Variants in ARSK observed in about 807,000 individuals in gnomAD.
The protein encoded by ARSK is arylsulfatase family member K.
A neutral mutation model predicts 53.2 loss-of-function variants in ARSK; 37 were observed. The ratio of observed to expected loss-of-function variants is 0.70; its 90% CI spans 0.54 to 0.92. ARSK has a LOEUF of 0.92. Ranked by LOEUF, ARSK falls within the 40% of genes least tolerant of loss-of-function variation. The pLI, the probability that ARSK is intolerant of heterozygous loss-of-function variation, is 0.00. For synonymous variants in ARSK, 208 were observed against 223.2 expected, an observed-to-expected ratio of 0.93 and a Z score of 0.61; for missense variants, 613 against 643.0, an observed-to-expected ratio of 0.95 and a Z score of 0.51.
At position 95,555,533 on chromosome 5, in the gene ARSK, A is replaced by T; in HGVS notation, c.126+129A>T. The T allele has an allele frequency of 9.8e-7, 1 of 1,018,692 alleles. No homozygotes were observed. The highest frequency in any genetic ancestry group is 1.4e-6 in the Non-Finnish European group (1 of 738,326). The allele number at this position is 1,018,692 out of a possible 1,614,324, so 63.1% of individuals were successfully genotyped here. A position where few individuals can be genotyped will look rare whatever the true frequency, so the allele number is the denominator to read the frequency against. On this transcript the variant is annotated intron_variant, in intron 1 of 7. Transcript: ENST00000380009. This position sits in a 1 kb window ranked among gnomAD's most constrained non-coding sequence, Gnocchi z 4.0. ...AAACACCTTTTACCCCGATGCAAAG[A>T]AAGAAATACATTTTATGTGAGGCCC...
chr5:95,595,834 A>G (rs1045477917), intron 6 of ARSK, among the ~76,000 whole-genome samples: 1 of 151,804 alleles, frequency 6.6e-6, no homozygotes, highest in Non-Finnish European at 1.5e-5. Flanking sequence ...TAAAACGTTG[A>G]AAAAAAAAGT....
intron 6 of ARSK, among the ~76,000 whole-genome samples, chr5:95,599,882 T>C (rs1749369390): frequency 6.6e-6 from 1 of 152,234 alleles, no homozygotes; most frequent in African/African-American, 2.4e-5. Context: ...GTTTAATTTC[T>C]AACATTACAG....
intron 4 of ARSK, 25 bp from the exon 5 acceptor site, chr5:95,586,537 A>G: frequency 6.3e-7 from 1 of 1,586,524 alleles, no homozygotes; most frequent in Non-Finnish European, 8.6e-7. Context: ...TGCTAGCATA[A>G]CTAAGTTTTT....
intron 6 of ARSK, among the ~76,000 whole-genome samples, chr5:95,593,167 C>T (rs1330977743): frequency 1.3e-5 from 2 of 152,122 alleles, no homozygotes; most frequent in African/African-American, 4.8e-5. Context: ...CTACCCTCCC[C>T]ATTCCCAAAG....
chr5:95,595,456 G>A (rs1749291674), intron 6 of ARSK, among the ~76,000 whole-genome samples: 1 of 152,178 alleles, frequency 6.6e-6, no homozygotes, highest in Admixed American at 6.5e-5. Flanking sequence ...TAAAGAAAAT[G>A]TGGCACATAT....
chr5:95,555,335 C>T lies in ARSK; in HGVS notation c.57C>T (p.Pro19=), dbSNP rs748760776. Residue 19 remains proline, a synonymous_variant, in exon 1 of 8, where the codon CCC becomes CCT. Transcript: ENST00000380009. This position sits in a 1 kb window ranked among gnomAD's most constrained non-coding sequence, Gnocchi z 4.0. Reference sequence around the variant, plus strand: ...CCTTGGCGCTGGCGGTACTGGCCCCCGGAGCAGGGGAGCAGAGGCGGAGAG... The same window carrying T: ...CCTTGGCGCTGGCGGTACTGGCCCCTGGAGCAGGGGAGCAGAGGCGGAGAG... ...VAALALAVLA[P]GAGEQRRRAA... is the part of the protein sequence containing the mutation. The T allele has an allele frequency of 1.2e-6, 2 of 1,608,980 alleles. No homozygotes were observed. The highest frequency in any genetic ancestry group is 1.1e-5 in the South Asian group (1 of 90,602).
At chr5:95,581,280 G>T (rs1220372369) in intron 3 of ARSK, among the ~76,000 whole-genome samples, 1 of 152,000 alleles carries the variant, frequency 6.6e-6, no homozygotes, top group Non-Finnish European at 1.5e-5. Flanking sequence ...TAAGGAGAAG[G>T]CATAAATTTA....
intron 6 of ARSK, among the ~76,000 whole-genome samples, chr5:95,599,067 G>C (rs549590622): frequency 4.7e-4 from 72 of 152,260 alleles, no homozygotes; most frequent in African/African-American, 1.6e-3. Context: ...AGCTGTTTCT[G>C]TCTGCCCACA....
intron 1 of ARSK, among the ~76,000 whole-genome samples, chr5:95,558,878 C>T (rs1336935149): frequency 6.6e-6 from 1 of 152,214 alleles, no homozygotes; most frequent in Non-Finnish European, 1.5e-5. Flanking sequence ...CGGTGGCTCA[C>T]ACCTGTAATC....
At chr5:95,571,587 T>G (rs1748831830) in intron 3 of ARSK, among the ~76,000 whole-genome samples, 1 of 152,248 alleles carries the variant, frequency 6.6e-6, no homozygotes. Flanking sequence ...TAGGAGTTCT[T>G]TCTTTGTCAT....
At chr5:95,585,659 T>G (rs1749099873) in intron 4 of ARSK, among the ~76,000 whole-genome samples, 1 of 152,068 alleles carries the variant, frequency 6.6e-6, no homozygotes, top group African/African-American at 2.4e-5. Context: ...TGGGGACTGG[T>G]TGGGGGAAGG....
chr5:95,558,296 T>C (rs1748563362), intron 1 of ARSK, among the ~76,000 whole-genome samples: 1 of 152,042 alleles, frequency 6.6e-6, no homozygotes, highest in Non-Finnish European at 1.5e-5. Context: ...AGAGGTTCCA[T>C]ACCAGGAGAG....
At chr5:95,567,796 C>A in intron 2 of ARSK, 94 bp from the exon 3 acceptor site, 1 of 1,272,768 alleles carries the variant, frequency 7.9e-7, no homozygotes, top group Non-Finnish European at 1.1e-6. Flanking sequence ...AGCATAAGCT[C>A]TTCACTAGTG....
Position 95,604,646 on chromosome 5 carries a change from T to C in ARSK, c.*1120T>C, listed in dbSNP as rs1462999149. 1 of 152,170 alleles carries C rather than the reference T, an allele frequency of 6.6e-6. No individual in the cohort carries two copies. The highest frequency in any genetic ancestry group is 1.5e-5 in the Non-Finnish European group (1 of 68,026). The allele number at this position is 152,170 out of a possible 1,614,324, so 9.4% of individuals were successfully genotyped here. Reference sequence around the variant, plus strand: ...CTACAAATTACCTCTAAAGAAGGTATACTAACTGATAATCTCACCATCAAT... The same window carrying C: ...CTACAAATTACCTCTAAAGAAGGTACACTAACTGATAATCTCACCATCAAT... On this transcript the variant is annotated 3_prime_UTR_variant, in exon 8 of 8. Transcript: ENST00000380009.
At chr5:95,601,662 A>C (rs57520226) in intron 7 of ARSK, among the ~76,000 whole-genome samples, 1 of 152,322 alleles carries the variant, frequency 6.6e-6, no homozygotes, top group East Asian at 1.9e-4. Flanking sequence ...TTTTAGATTC[A>C]GGGTTTTACT....
chr5:95,586,457 C>A, intron 4 of ARSK, 105 bp from the exon 5 acceptor site: 3 of 867,618 alleles, frequency 3.5e-6, no homozygotes, highest in South Asian at 1.6e-5. Context: ...TTCTTTTCTA[C>A]TATTCTAAGT....
In ARSK at chr5:95,567,913, C is replaced by A; in HGVS notation, c.280C>A (p.His94Asn). The change falls in exon 3 of 8, where the codon CAC becomes AAC. Residue 94 changes from histidine to asparagine, a missense_variant. By Grantham distance (68) the His-to-Asn change is moderately conservative. Transcript: ENST00000380009. Reference protein sequence around the residue: ...RAAMWSGLFTHLTESWNNFKG... With the variant: ...RAAMWSGLFTNLTESWNNFKG... ...AGCAATGTGGAGTGGCCTCTTCACT[C>A]ACTTAACAGAATCTTGGAATAATTT... The A allele has an allele frequency of 6.2e-7, 1 of 1,610,420 alleles. No individual in the cohort carries two copies. The highest frequency in any genetic ancestry group is 1.1e-5 in the South Asian group (1 of 90,636).
chr5:95,574,039 C>T (rs1049167773), intron 3 of ARSK, among the ~76,000 whole-genome samples: 1 of 152,138 alleles, frequency 6.6e-6, no homozygotes, highest in South Asian at 2.1e-4. Flanking sequence ...TTTGGTAAAC[C>T]ATCATTCTGC....
Position 95,555,144 on chromosome 5 carries a change from A to T in ARSK, c.-135A>T, listed in dbSNP as rs1285752877. ...ATAGGAGTTGTAGTTCTGCGGGTGA[A>T]GCTCGGCGTTACTATCAAGCAACCA... On this transcript the variant is annotated 5_prime_UTR_variant, in exon 1 of 8. It adds an upstream start codon to the 5' untranslated region. Transcript: ENST00000380009. The surrounding 1 kb of genome is among the most constrained non-coding windows in gnomAD (Gnocchi z 4.0). The T allele has an allele frequency of 1.1e-5, 8 of 707,672 alleles. No individual in the cohort carries two copies. Among genetic ancestry groups the T allele is most frequent in the Non-Finnish European group, 1.8e-5 (8 of 446,254 alleles). The allele number at this position is 707,672 out of a possible 1,614,324, so 43.8% of individuals were successfully genotyped here. A position where few individuals can be genotyped will look rare whatever the true frequency, so the allele number is the denominator to read the frequency against.
Sources: gnomAD v4.1 joint callset for allele counts (sites outside exome capture counted in the v4.1 genomes callset) on GRCh38, gnomAD v4.1.1 for gene constraint, Gnocchi (gnomAD v3.1) non-coding constraint, MANE v1.5 for transcripts, NCBI Gene and HGNC (gene_info 2026-07-23, HGNC 2026-07-21) for gene names.